STAB1: variants seen among roughly 807,000 people sequenced by gnomAD.
The protein encoded by STAB1 is stabilin-1.
Under a neutral mutation model 332.4 loss-of-function variants are expected in STAB1, and 250 were observed. That is an observed-to-expected ratio of 0.75 (90% CI 0.68 to 0.84). The LOEUF is 0.84. Ranked by LOEUF, STAB1 falls within the 40% of genes least tolerant of loss-of-function variation. The probability of loss-of-function intolerance (pLI) is 0.00; values close to 1 mark genes in which losing one functional copy is unlikely to be tolerated. For synonymous variants in STAB1, 1,475 were observed against 1,390.4 expected, an observed-to-expected ratio of 1.06 and a Z score of -1.35; for missense variants, 3,249 against 3,489.7, an observed-to-expected ratio of 0.93 and a Z score of 1.74.
rs750880567 is a variant in STAB1 at position 52,510,241 on chromosome 3, T to A, written c.2628+6T>A. 6 of 1,613,930 alleles carry A rather than the reference T, an allele frequency of 3.7e-6. No individual in the cohort carries two copies. Among genetic ancestry groups the A allele is most frequent in the Non-Finnish European group, 5.1e-6 (6 of 1,179,970 alleles). ...GTGGAGGCTGCTCAGAGAATGTCAG[T>A]CCCCTTGCTCCTTCCCTGAAGTTCT... On this transcript the variant is annotated splice_donor_region_variant and intron_variant, in intron 24 of 68. Transcript: ENST00000321725.
chr3:52,507,944 A>G lies in STAB1; in HGVS notation c.2066A>G (p.Lys689Arg), dbSNP rs1708998428. Residue 689 changes from lysine (K) to arginine (R), a missense_variant, in exon 20 of 69, where the codon AAG becomes AGG. Physicochemically the swap from Lys to Arg is conservative, Grantham distance 26. Transcript: ENST00000321725. ...PNSVKLDIFP[K>R]ECVYIHDPTG... ...GGCCCACCCTAGGACATCTTCCCCA[A>G]GGAGTGTGTCTACATCCATGACCCA... is the stretch of plus-strand genomic sequence containing the variant. 1.2e-6 allele frequency: 2 copies of G among 1,613,572 alleles called. No homozygotes were observed. The highest frequency in any genetic ancestry group is 2.2e-5 in the East Asian group (1 of 44,882).
rs914415029 is a variant in STAB1 at position 52,518,242 on chromosome 3, AG to A, written c.4762-68del. On this transcript the variant is annotated intron_variant, in intron 45 of 68. Coordinates refer to ENST00000321725, the MANE Select transcript of STAB1 (RefSeq NM_015136.3). ...CTGCCTTGGCTAGACCTTGGGCCGC[AG>A]GTGCTGGGACAGGCACCAGGCCCTG... is the stretch of plus-strand genomic sequence containing the variant. 5.0e-6 allele frequency: 8 copies of A among 1,598,800 alleles called. No homozygotes were observed. The Admixed American group carries it at 6.7e-5, about 13-fold the overall frequency.
chr3:52,518,185 A>G, intron 45 of STAB1, 127 bp from the exon 46 acceptor site: 1 of 1,522,754 alleles, frequency 6.6e-7, no homozygotes, highest in Non-Finnish European at 8.9e-7. Flanking sequence ...CCTGACCCCA[A>G]CTCAGACCCC....
rs1398389109 is a variant in STAB1, at chr3:52,511,655, A to G, written c.2793A>G (p.Arg931=). The change falls in exon 26 of 69, where the codon CGA becomes CGG. Residue 931 remains arginine, a synonymous_variant. Coordinates refer to ENST00000321725, the MANE Select transcript of STAB1 (RefSeq NM_015136.3). Reference sequence around the variant, plus strand: ...TCTGTTCCTAACCTTTCCAGAGCCGATGCACCTGCAAGCTGGGCTTTGCCG... The same window carrying G: ...TCTGTTCCTAACCTTTCCAGAGCCGGTGCACCTGCAAGCTGGGCTTTGCCG... The part of the protein sequence containing the change: ...LCSYVGPGQS[R]CTCKLGFAGD... 2 of 1,610,100 alleles carry G rather than the reference A, an allele frequency of 1.2e-6. No homozygotes were observed. The highest frequency in any genetic ancestry group is 1.1e-5 in the South Asian group (1 of 90,548).
Position 52,519,286 on chromosome 3 carries a change from TCG to T in STAB1, c.5064_5065del (p.Val1689GlyfsTer6). 1.2e-6 allele frequency: 2 copies of T among 1,612,896 alleles called. No individual in the cohort carries two copies. The highest frequency in any genetic ancestry group is 2.2e-5 in the East Asian group (1 of 44,860). On this transcript the variant is annotated frameshift_variant, in exon 49 of 69. Coordinates refer to ENST00000321725, the MANE Select transcript of STAB1 (RefSeq NM_015136.3). LOFTEE classifies it high-confidence loss of function. ...CAGGGCAGCATATACCTCAATGACT[TCG>T]CGCGCGTGGTGAGCAGCGACCATGA...
rs1195878055 is a variant in STAB1, at chr3:52,509,886, T to C, written c.2364T>C (p.His788=). The C allele has an allele frequency of 7.4e-6, 12 of 1,613,032 alleles. No individual in the cohort carries two copies. Among genetic ancestry groups the C allele is most frequent in the South Asian group, 2.2e-5 (2 of 91,078 alleles). The change falls in exon 23 of 69, where the codon CAT becomes CAC. Residue 788 remains histidine (H), a synonymous_variant. Transcript: ENST00000321725. ...EQCQEDCGCV[H]GLCDNRPGSG... Reference sequence around the variant, plus strand: ...TCCATACAGACTGCGGCTGTGTCCATGGTCTCTGCGACAACCGCCCAGGCA... The same window carrying C: ...TCCATACAGACTGCGGCTGTGTCCACGGTCTCTGCGACAACCGCCCAGGCA...
Position 52,508,345 on chromosome 3 carries a change from T to A in STAB1, c.2221T>A (p.Tyr741Asn), listed in dbSNP as rs1199874416. 1 of 1,613,814 alleles carries A rather than the reference T, an allele frequency of 6.2e-7. No homozygotes were observed. Among genetic ancestry groups the A allele is most frequent in the East Asian group, 2.2e-5 (1 of 44,874 alleles). ...QCPGGFSNPCYGKGNCSDGIQ... is the reference protein window; with the variant it reads ...QCPGGFSNPCNGKGNCSDGIQ... The stretch of plus-strand genomic sequence containing the variant: ...TCCTGGGGGCTTCTCCAACCCCTGC[T>A]ATGGCAAAGGCAATGTGAGTCCCAT... The change falls in exon 21 of 69, where the codon TAT becomes AAT. Residue 741 changes from tyrosine (Y) to asparagine (N), a missense_variant. Transcript: ENST00000321725.
intron 10 of STAB1, 55 bp downstream of exon 10, chr3:52,504,210 G>T: frequency 6.5e-7 from 1 of 1,548,718 alleles, no homozygotes; most frequent in African/African-American, 1.4e-5. Flanking sequence ...AGCACAGTTG[G>T]CAGGGAGGGA....
In STAB1 at chr3:52,516,176, G is replaced by C; in HGVS notation, c.4082G>C (p.Gly1361Ala). 6.2e-7 allele frequency: 1 copy of C among 1,612,544 alleles called. No homozygotes were observed. The highest frequency in any genetic ancestry group is 8.5e-7 in the Non-Finnish European group (1 of 1,179,864). Residue 1361 changes from glycine (G) to alanine (A), a missense_variant, in exon 38 of 69, where the codon GGC becomes GCC. Coordinates refer to ENST00000321725, the MANE Select transcript of STAB1 (RefSeq NM_015136.3). ...LGSGECHCHE[G>A]FHGTACEVCE... is the part of the protein sequence containing the mutation. ...AGCGGGGAGTGCCACTGCCACGAGG[G>C]CTTCCATGGAACGGCCTGTGAGGTG... is the stretch of plus-strand genomic sequence containing the variant.
chr3:52,497,334 G>A (rs111929466), intron 1 of STAB1, among the ~76,000 whole-genome samples: 11 of 151,458 alleles, frequency 7.3e-5, no homozygotes, highest in Middle Eastern at 3.5e-3. Context: ...CATTGTATTC[G>A]GTATTATAAG....
intron 1 of STAB1, among the ~76,000 whole-genome samples, chr3:52,496,414 G>A (rs1379953982): frequency 6.6e-6 from 1 of 152,230 alleles, no homozygotes; most frequent in African/African-American, 2.4e-5. Context: ...AGTCCAGAGC[G>A]GGGAGGACTT....
chr3:52,517,950 G>C lies in STAB1; in HGVS notation c.4708G>C (p.Asp1570His). 1.9e-6 allele frequency: 3 copies of C among 1,610,274 alleles called. No homozygotes were observed. Among genetic ancestry groups the C allele is most frequent in the Non-Finnish European group, 2.5e-6 (3 of 1,179,266 alleles). Residue 1570 changes from aspartate (D) to histidine (H), a missense_variant, in exon 45 of 69, where the codon GAC becomes CAC. Coordinates refer to ENST00000321725, the MANE Select transcript of STAB1 (RefSeq NM_015136.3). ...GGATGGCCAGAGGACATGTACCTGC[G>C]ACACAGCCCACACCGTGGGGGACGG... ...TGDGQRTCTC[D>H]TAHTVGDGLT... is the part of the protein sequence containing the mutation.
chr3:52,517,575 AC>A lies in STAB1; in HGVS notation c.4590del (p.Tyr1530Ter). The A allele has an allele frequency of 6.2e-7, 1 of 1,612,902 alleles. No homozygotes were observed. Among genetic ancestry groups the A allele is most frequent in the Non-Finnish European group, 8.5e-7 (1 of 1,179,914 alleles). ...QQVSCSCREGYSGDGIRTCEL... is the reference protein window; with the variant it reads ...QQVSCSCREGXSGDGIRTCEL... ...GTCTCCTGCAGCTGCCGTGAGGGTTACAGCGGGGATGGCATCCGGACCTGCG... is the reference window on the plus strand; with the variant it reads ...GTCTCCTGCAGCTGCCGTGAGGGTTAAGCGGGGATGGCATCCGGACCTGCG... On this transcript the variant is annotated frameshift_variant, in exon 44 of 69. Transcript: ENST00000321725. LOFTEE classifies it high-confidence loss of function.
At chr3:52,512,747 G>C in intron 28 of STAB1, 81 bp from the exon 29 acceptor site, 2 of 1,609,940 alleles carry the variant, frequency 1.2e-6, no homozygotes, top group Non-Finnish European at 1.7e-6. Flanking sequence ...TTGGGGGCAG[G>C]GCTGGAGCCT....
rs1312287441 is a variant in STAB1 at position 52,513,943 on chromosome 3, T to G, written c.3409T>G (p.Leu1137Val). 6.2e-7 allele frequency: 1 copy of G among 1,606,450 alleles called. No homozygotes were observed. Among genetic ancestry groups the G allele is most frequent in the Non-Finnish European group, 8.5e-7 (1 of 1,175,050 alleles). Residue 1137 changes from leucine (L) to valine (V), a missense_variant, in exon 32 of 69, where the codon TTG becomes GTG. By Grantham distance (32) the Leu-to-Val change is conservative. Coordinates refer to ENST00000321725, the MANE Select transcript of STAB1 (RefSeq NM_015136.3). ...GCAGGGGTTGCTGCAGCAGCTGGACTTGGTGCCTGCCTTCAGCCTCTTCCG... is the reference window on the plus strand; with the variant it reads ...GCAGGGGTTGCTGCAGCAGCTGGACGTGGTGCCTGCCTTCAGCCTCTTCCG... The part of the protein sequence containing the change: ...GGQGLLQQLD[L>V]VPAFSLFREL...
At chr3:52,508,112 C>A (rs532862411) in intron 20 of STAB1, 86 bp downstream of exon 20, 3 of 1,430,222 alleles carry the variant, frequency 2.1e-6, no homozygotes, top group African/African-American at 1.4e-5. Flanking sequence ...TGAGTGGGCT[C>A]CCTCCCTCAG....
rs570629144 is a variant in STAB1 at position 52,514,051 on chromosome 3, G to T, written c.3448-64G>T. On this transcript the variant is annotated intron_variant, in intron 32 of 68. Coordinates refer to ENST00000321725, the MANE Select transcript of STAB1 (RefSeq NM_015136.3). Reference sequence around the variant, plus strand: ...TGTGCCCCAGGTCCAGAGGGACCTGGCTGGCTCCCAGTGTCAGGACTGACA... The same window carrying T: ...TGTGCCCCAGGTCCAGAGGGACCTGTCTGGCTCCCAGTGTCAGGACTGACA... The T allele has an allele frequency of 3.8e-6, 6 of 1,599,182 alleles. No individual in the cohort carries two copies. The African/African-American group carries it at 6.7e-5, about 18-fold the overall frequency.
rs79979831 is a variant in STAB1 at position 52,503,849 on chromosome 3, C to T, written c.969C>T (p.Pro323=). ...CGGGCTGCTTCGCCTTCTGCTCCCC[C>T]TTCTCCTGCGACCGGTCTGCCACTT... ...ASAGCFAFCS[P]FSCDRSATCQ... is the part of the protein sequence containing the mutation. Residue 323 remains proline (P), a synonymous_variant, in exon 9 of 69, where the codon CCC becomes CCT. Transcript: ENST00000321725. 2 of 1,613,252 alleles carry T rather than the reference C, an allele frequency of 1.2e-6. No individual in the cohort carries two copies. The highest frequency in any genetic ancestry group is 4.5e-5 in the East Asian group (2 of 44,876).
At position 52,509,262 on chromosome 3, in the gene STAB1, A is replaced by G. The variant is rs1225441315; in HGVS notation, c.2288A>G (p.Lys763Arg). ...GCCTGCCTCTGCTTCCCAGACTACA[A>G]GGGCATCGCCTGCCACATCTGCTCG... ...NGACLCFPDY[K>R]GIACHICSNP... Residue 763 changes from lysine (K) to arginine (R), a missense_variant, in exon 22 of 69, where the codon AAG becomes AGG. By Grantham distance (26) the Lys-to-Arg change is conservative (BLOSUM62 2). Transcript: ENST00000321725. The G allele has an allele frequency of 1.2e-6, 2 of 1,613,404 alleles. No homozygotes were observed. The highest frequency in any genetic ancestry group is 1.7e-6 in the Non-Finnish European group (2 of 1,179,956).
Sources: gnomAD v4.1 joint callset for allele counts (sites outside exome capture counted in the v4.1 genomes callset) on GRCh38, gnomAD v4.1.1 for gene constraint, MANE v1.5 for transcripts, NCBI Gene and HGNC (gene_info 2026-07-23, HGNC 2026-07-21) for gene names.